SAMD11: variants seen among roughly 807,000 people sequenced by gnomAD.
The protein encoded by SAMD11 is sterile alpha motif domain containing 11, also known as sterile alpha motif domain-containing protein 11.
In SAMD11, 77 loss-of-function variants were observed where a neutral mutation model predicts 64.4. That is an observed-to-expected ratio of 1.20 (90% CI 0.99 to 1.44). The LOEUF is 1.44. SAMD11 is among the 40% of genes most tolerant of loss of function. SAMD11 has a pLI of 0.00. For synonymous variants in SAMD11, 658 were observed against 421.9 expected (o/e 1.56, Z -6.86); for missense variants, 1,402 against 943.3 (o/e 1.49, Z -6.37).
At chr1:932,853 C>T (rs950099978) in intron 4 of SAMD11, among the ~76,000 whole-genome samples, 1 of 152,250 alleles carries the variant, frequency 6.6e-6, no homozygotes, top group African/African-American at 2.4e-5. Context: ...GGCAGATGCT[C>T]CTCGAGCCAT....
chr1:942,396 C>T lies in SAMD11; in HGVS notation c.1475-14C>T, dbSNP rs1349582828. ...TCGGACCCCCCGACCCCGCGTTGTC[C>T]CCCTCCCCACCAGGCTACGGCTTCC... On this transcript the variant is annotated splice_polypyrimidine_tract_variant and intron_variant, in intron 9 of 13. Coordinates refer to ENST00000616016, the MANE Select transcript of SAMD11 (RefSeq NM_001385641.1). 9 of 1,443,080 alleles carry T rather than the reference C, an allele frequency of 6.2e-6. No individual in the cohort carries two copies. The highest frequency in any genetic ancestry group is 2.4e-5 in the Admixed American group (1 of 41,696). The allele number at this position is 1,443,080 out of a possible 1,614,324, so 89.4% of individuals were successfully genotyped here.
At chr1:933,505 T>C (rs1201447794) in intron 4 of SAMD11, among the ~76,000 whole-genome samples, 1 of 151,934 alleles carries the variant, frequency 6.6e-6, no homozygotes, top group Non-Finnish European at 1.5e-5. Flanking sequence ...CTGGAGTCTC[T>C]GGGAAACTAG....
rs374414952 is a variant in SAMD11, at chr1:939,500, C to T, written c.1195+88C>T. The T allele has an allele frequency of 2.1e-4, 325 of 1,585,272 alleles. 2 individuals are homozygous for T. The African/African-American group carries it at 4.1e-3, about 20-fold the overall frequency. Reference sequence around the variant, plus strand: ...TGGCATGATCTCCCCTCATCACCTCCCCAGCCACATGTACTCGGCCATTCC... The same window carrying T: ...TGGCATGATCTCCCCTCATCACCTCTCCAGCCACATGTACTCGGCCATTCC... On this transcript the variant is annotated intron_variant, in intron 7 of 13. Coordinates refer to ENST00000616016, the MANE Select transcript of SAMD11 (RefSeq NM_001385641.1).
intron 2 of SAMD11, among the ~76,000 whole-genome samples, chr1:926,403 T>A (rs1413815690): frequency 6.6e-6 from 1 of 152,124 alleles, no homozygotes; most frequent in Non-Finnish European, 1.5e-5. Context: ...GCCCAGCTGG[T>A]GAGGTGTGAT....
chr1:930,128 C>A (rs1314398856), intron 2 of SAMD11, 27 bp from the exon 3 acceptor site: 1 of 1,546,122 alleles, frequency 6.5e-7, no homozygotes, highest in African/African-American at 1.4e-5. Context: ...CCTCCTGCCC[C>A]ACCTTCCTCT....
At chr1:935,728 C>T (rs1186196717) in intron 4 of SAMD11, 44 bp from the exon 5 acceptor site, 8 of 1,610,626 alleles carry the variant, frequency 5.0e-6, no homozygotes, top group African/African-American at 1.3e-5. Flanking sequence ...GCTCCAGCCT[C>T]GCAGCTGCCC....
At chr1:926,929 C>T (rs191310692) in intron 2 of SAMD11, among the ~76,000 whole-genome samples, 4 of 152,222 alleles carry the variant, frequency 2.6e-5, no homozygotes, top group East Asian at 1.9e-4. Context: ...GGCGTACCTC[C>T]GCTTGCCTGC....
rs778084644 is a variant in SAMD11 at position 942,846 on chromosome 1, C to T, written c.1841C>T (p.Thr614Met). ...CGGCCCAGCGAGTCCAAGGAGATGA[C>T]GGGGGCTAGGCTCTGGGCACAAGAT... ...SARPSESKEM[T>M]GARLWAQDGS... Residue 614 changes from threonine (T) to methionine (M), a missense_variant, in exon 11 of 14, where the codon ACG becomes ATG. Coordinates refer to ENST00000616016, the MANE Select transcript of SAMD11 (RefSeq NM_001385641.1). The T allele has an allele frequency of 5.2e-5, 81 of 1,551,422 alleles. No homozygotes were observed. Among genetic ancestry groups the T allele is most frequent in the South Asian group, 2.6e-4 (22 of 84,198 alleles).
chr1:941,852 C>T (rs1308088865), intron 8 of SAMD11, among the ~76,000 whole-genome samples: 4 of 152,144 alleles, frequency 2.6e-5, no homozygotes, highest in Non-Finnish European at 4.4e-5. Context: ...CCGCTTCCCC[C>T]GCCGCTCGGG....
intron 4 of SAMD11, among the ~76,000 whole-genome samples, chr1:933,096 G>A (rs1569878479): frequency 6.6e-6 from 1 of 152,168 alleles, no homozygotes; most frequent in African/African-American, 2.4e-5. Flanking sequence ...CCTGCAGCCC[G>A]GCCCCACCAC....
rs1349602837 is a variant in SAMD11 at position 939,047 on chromosome 1, G to A, written c.975G>A (p.Leu325=). ...LEIGLRPAGD[L]LGKRLGRSPR... ...CTCACTACCCTCCCGCAGGTGACCT[G>A]TTGGGCAAGAGGCTGGGCCGCTCCC... Residue 325 remains leucine, a synonymous_variant, in exon 6 of 14, where the codon CTG becomes CTA. Coordinates refer to ENST00000616016, the MANE Select transcript of SAMD11 (RefSeq NM_001385641.1). The A allele has an allele frequency of 1.2e-6, 2 of 1,601,336 alleles. No homozygotes were observed. The highest frequency in any genetic ancestry group is 1.7e-6 in the Non-Finnish European group (2 of 1,174,320).
In SAMD11 at chr1:943,450, T is replaced by G. The variant is rs1385322632; in HGVS notation, c.2178+73T>G. 12 of 1,328,442 alleles carry G rather than the reference T, an allele frequency of 9.0e-6. No homozygotes were observed. The Admixed American group carries it at 1.2e-4, about 13-fold the overall frequency. 82.3% of individuals were successfully genotyped at this position (1,328,442 alleles called of 1,614,324 possible). On this transcript the variant is annotated intron_variant, in intron 12 of 13. Coordinates refer to ENST00000616016, the MANE Select transcript of SAMD11 (RefSeq NM_001385641.1). ...GTCACTACCTCCCTGGAAAGGATGG[T>G]GGGGTAGGGCCATTCCCCAACGCCC...
chr1:942,286 C>A lies in SAMD11; in HGVS notation c.1474+35C>A, dbSNP rs764630434. ...CGGGTGCGCATCCCCTGGGAGCCCGCGTGGAGGCTCGCGGACCCGGCCCTG... is the reference window on the plus strand; with the variant it reads ...CGGGTGCGCATCCCCTGGGAGCCCGAGTGGAGGCTCGCGGACCCGGCCCTG... On this transcript the variant is annotated intron_variant, in intron 9 of 13. Coordinates refer to ENST00000616016, the MANE Select transcript of SAMD11 (RefSeq NM_001385641.1). 23 of 1,032,922 alleles carry A rather than the reference C, an allele frequency of 2.2e-5. No individual in the cohort carries two copies. In the African/African-American group the frequency reaches 3.2e-4, roughly 14 times the overall value. The allele number at this position is 1,032,922 out of a possible 1,614,324, so 64.0% of individuals were successfully genotyped here. A position where few individuals can be genotyped will look rare whatever the true frequency, so the allele number is the denominator to read the frequency against.
rs1641629538 is a variant in SAMD11, at chr1:939,435, T to C, written c.1195+23T>C. ...ACGGTGAGGACCCACCCTGGCATGA[T>C]CCCCCTCATCACCTCCCCAGCCACG... On this transcript the variant is annotated intron_variant, in intron 7 of 13. Coordinates refer to ENST00000616016, the MANE Select transcript of SAMD11 (RefSeq NM_001385641.1). 7.0e-7 allele frequency: 1 copy of C among 1,438,226 alleles called. No homozygotes were observed. The highest frequency in any genetic ancestry group is 1.8e-5 in the Admixed American group (1 of 54,326). 89.1% of individuals were successfully genotyped at this position (1,438,226 alleles called of 1,614,324 possible).
intron 4 of SAMD11, among the ~76,000 whole-genome samples, chr1:932,786 GC>G (rs1488631245): frequency 6.6e-6 from 1 of 152,238 alleles, no homozygotes; most frequent in Non-Finnish European, 1.5e-5. Flanking sequence ...GTGACCACCT[GC>G]CTTTTGGAGC....
At chr1:937,174 G>C (rs1045580131) in intron 5 of SAMD11, among the ~76,000 whole-genome samples, 1 of 152,136 alleles carries the variant, frequency 6.6e-6, no homozygotes, top group African/African-American at 2.4e-5. Context: ...ACCCTGGGGG[G>C]CGTTCACCTC....
chr1:943,472 G>A (rs1257509803), intron 12 of SAMD11, 95 bp downstream of exon 12: 2 of 1,135,452 alleles, frequency 1.8e-6, no homozygotes, highest in East Asian at 2.4e-5. Context: ...ATTCCCCAAC[G>A]CCCTCTCCCT....
Position 942,643 on chromosome 1 carries a change from C to G in SAMD11, c.1638C>G (p.Arg546=). Residue 546 remains arginine (R), a synonymous_variant, in exon 11 of 14, where the codon CGC becomes CGG. Coordinates refer to ENST00000616016, the MANE Select transcript of SAMD11 (RefSeq NM_001385641.1). ...TGCTGGCGCCCGAGACCGCCCTGCG[C>G]CCCAACGACGGCGCCGAGGAGCTGC... The part of the protein sequence containing the change: ...PQLLAPETAL[R]PNDGAEELQR... 7.0e-7 allele frequency: 1 copy of G among 1,438,390 alleles called. No homozygotes were observed. 89.1% of individuals were successfully genotyped at this position (1,438,390 alleles called of 1,614,324 possible). A position where few individuals can be genotyped will look rare whatever the true frequency, so the allele number is the denominator to read the frequency against.
Position 942,662 on chromosome 1 carries a change from G to T in SAMD11, c.1657G>T (p.Glu553Ter). The change falls in exon 11 of 14, where the codon GAG becomes TAG. Residue 553 changes from glutamate (E) to a stop codon, truncating the protein, a stop_gained. Coordinates refer to ENST00000616016, the MANE Select transcript of SAMD11 (RefSeq NM_001385641.1). LOFTEE classifies it high-confidence loss of function. ...CCTGCGCCCCAACGACGGCGCCGAG[G>T]AGCTGCAGCGGCGCGGGGCCCTGCT... ...TALRPNDGAEELQRRGALLVL... is the reference protein window; with the variant it reads ...TALRPNDGAE The T allele has an allele frequency of 7.0e-7, 1 of 1,433,904 alleles. No homozygotes were observed. Among genetic ancestry groups the T allele is most frequent in the Non-Finnish European group, 9.1e-7 (1 of 1,101,414 alleles). 88.8% of individuals were successfully genotyped at this position (1,433,904 alleles called of 1,614,324 possible).
Sources: gnomAD v4.1 joint callset for allele counts (sites outside exome capture counted in the v4.1 genomes callset) on GRCh38, gnomAD v4.1.1 for gene constraint, MANE v1.5 for transcripts, NCBI Gene and HGNC (gene_info 2026-07-23, HGNC 2026-07-21) for gene names.